The following ZNF667 variants were observed in gnomAD, a reference collection of about 807,000 sequenced individuals.
ZNF667 encodes myocardial ischemic preconditioning upregulated 1 ortholog.
In ZNF667, 13 loss-of-function variants were observed where a neutral mutation model predicts 31.8. That is an observed-to-expected ratio of 0.41 (90% CI 0.27 to 0.65). The LOEUF is 0.65. Among genes scored for constraint, ZNF667 ranks in the 30% least tolerant of loss-of-function variants. The probability of loss-of-function intolerance (pLI) is 0.32; values close to 1 mark genes in which losing one functional copy is unlikely to be tolerated. For synonymous variants in ZNF667, 228 were observed against 247.1 expected, an observed-to-expected ratio of 0.92 and a Z score of 0.73; for missense variants, 642 against 725.6, an observed-to-expected ratio of 0.88 and a Z score of 1.32.
chr19:56,440,513 G>T lies in ZNF667; in HGVS notation c.*649C>A. ...TTGATAATTCTAGATCTGAGAAACAGACTCAAATTCTTTTTTCTGTGACCT... is the reference window on the plus strand; with the variant it reads ...TTGATAATTCTAGATCTGAGAAACATACTCAAATTCTTTTTTCTGTGACCT... On this transcript the variant is annotated 3_prime_UTR_variant, in exon 7 of 7. Coordinates refer to ENST00000504904, the MANE Select transcript of ZNF667 (RefSeq NM_001321356.2). 1.2e-6 allele frequency: 1 copy of T among 839,754 alleles called. No homozygotes were observed. The highest frequency in any genetic ancestry group is 1.4e-6 in the Non-Finnish European group (1 of 697,094). 52.0% of individuals were successfully genotyped at this position (839,754 alleles called of 1,614,324 possible).
chr19:56,451,700 CT>C (rs1231331256), intron 6 of ZNF667, among the ~76,000 whole-genome samples: 1 of 151,776 alleles, frequency 6.6e-6, no homozygotes, highest in Non-Finnish European at 1.5e-5. Flanking sequence ...GAAATCCCAT[CT>C]TTAAAAAAAA....
intron 6 of ZNF667, among the ~76,000 whole-genome samples, chr19:56,453,245 GA>G (rs1248601110): frequency 4.6e-5 from 7 of 152,020 alleles, no homozygotes; most frequent in African/African-American, 1.7e-4. Flanking sequence ...TCCCAGCAAA[GA>G]AACACCCAGG....
At chr19:56,464,628 C>T (rs924748328) in intron 3 of ZNF667, among the ~76,000 whole-genome samples, 5 of 152,184 alleles carry the variant, frequency 3.3e-5, no homozygotes, top group African/African-American at 7.2e-5. Flanking sequence ...CTGCCACATG[C>T]TCTCTTATTG....
intron 6 of ZNF667, among the ~76,000 whole-genome samples, chr19:56,449,044 C>T (rs185881134): frequency 6.6e-6 from 1 of 151,370 alleles, no homozygotes; most frequent in East Asian, 1.9e-4. Flanking sequence ...CTGGATCTTA[C>T]CAAAGACCAC....
At chr19:56,463,312 C>T (rs1050967950) in intron 3 of ZNF667, among the ~76,000 whole-genome samples, 16 of 151,996 alleles carry the variant, frequency 1.1e-4, no homozygotes, top group African/African-American at 3.4e-4. Context: ...TGCAGAAATC[C>T]GGGGAAGATG....
At position 56,441,855 on chromosome 19, in the gene ZNF667, A is replaced by T; in HGVS notation, c.1140T>A (p.His380Gln). ...LSTLILHLRI[H>Q]NGEKLYRCNK... ...TGCATCTGTATAGTTTTTCTCCATT[A>T]TGAATTCTTAGATGCAGAATAAGGG... Residue 380 changes from histidine to glutamine, a missense_variant, in exon 7 of 7, where the codon CAT (histidine) becomes CAA (glutamine). Transcript: ENST00000504904. This position sits in a 1 kb window ranked among gnomAD's most constrained non-coding sequence, Gnocchi z 4.2. 1 of 1,614,136 alleles carries T rather than the reference A, an allele frequency of 6.2e-7. No individual in the cohort carries two copies. The highest frequency in any genetic ancestry group is 8.5e-7 in the Non-Finnish European group (1 of 1,180,022).
At chr19:56,466,925 A>G in intron 3 of ZNF667, 2 of 441,938 alleles carry the variant, frequency 4.5e-6, no homozygotes, top group Non-Finnish European at 9.1e-6. Flanking sequence ...TTCTGAGAAC[A>G]CCCTACTCTA....
intron 6 of ZNF667, among the ~76,000 whole-genome samples, chr19:56,451,887 A>C (rs998779604): frequency 1.1e-4 from 11 of 103,148 alleles, no homozygotes; most frequent in African/African-American, 3.1e-4. Flanking sequence ...AAAAAAAAAA[A>C]AAAAAAAAAA....
At chr19:56,459,923 C>T (rs568722401) in intron 5 of ZNF667, among the ~76,000 whole-genome samples, 72 of 151,986 alleles carry the variant, frequency 4.7e-4, no homozygotes, top group African/African-American at 1.6e-3. Flanking sequence ...ACCCAGGAGG[C>T]GGAGGTTGCA....
chr19:56,472,856 T>C (rs2043321931), intron 2 of ZNF667: 1 of 152,144 alleles, frequency 6.6e-6, no homozygotes, highest in Non-Finnish European at 1.5e-5. Flanking sequence ...TTGGTACCAC[T>C]AACCCCTGCA....
intron 6 of ZNF667, among the ~76,000 whole-genome samples, chr19:56,452,584 T>C (rs553690111): frequency 4.6e-5 from 7 of 150,892 alleles, no homozygotes; most frequent in African/African-American, 1.5e-4. Context: ...AAAAAAGAAA[T>C]AGTAAGGATC....
At chr19:56,468,014 C>G (rs2043200040) in intron 3 of ZNF667, 1 of 152,248 alleles carries the variant, frequency 6.6e-6, no homozygotes, top group Admixed American at 6.5e-5. Flanking sequence ...AGCTCAATGT[C>G]CCAACTGTCT....
intron 6 of ZNF667, chr19:56,443,997 T>C: frequency 2.7e-6 from 1 of 366,136 alleles, no homozygotes; most frequent in Middle Eastern, 7.1e-4. Flanking sequence ...ATACTATGAG[T>C]ATAAAACATA....
At chr19:56,455,815 C>G (rs555278870) in intron 6 of ZNF667, among the ~76,000 whole-genome samples, 89 of 152,220 alleles carry the variant, frequency 5.8e-4, no homozygotes, top group South Asian at 2.3e-3. Context: ...GTGATAGATA[C>G]CTCACATACC....
In ZNF667 at chr19:56,458,147, T is replaced by TCA; in HGVS notation, c.253+6_253+7dup. Reference sequence around the variant, plus strand: ...CTGAGACATATGCCTTGGTTCTCTGTCACTCACCAGGAGCCCGGCGTCTTC... The same window carrying TCA: ...CTGAGACATATGCCTTGGTTCTCTGTCACACTCACCAGGAGCCCGGCGTCTTC... On this transcript the variant is annotated splice_region_variant and intron_variant, in intron 6 of 6. Transcript: ENST00000504904. 6.2e-7 allele frequency: 1 copy of TCA among 1,613,714 alleles called. No homozygotes were observed. Among genetic ancestry groups the TCA allele is most frequent in the South Asian group, 1.1e-5 (1 of 91,074 alleles).
chr19:56,453,698 C>CGTAT, intron 6 of ZNF667, among the ~76,000 whole-genome samples: 1 of 152,120 alleles, frequency 6.6e-6, no homozygotes, highest in South Asian at 2.1e-4. Flanking sequence ...CAATAAAAGC[C>CGTAT]GTATATGACA....
At chr19:56,446,899 CT>C (rs2042720653) in intron 6 of ZNF667, among the ~76,000 whole-genome samples, 1 of 152,106 alleles carries the variant, frequency 6.6e-6, no homozygotes, top group Admixed American at 6.5e-5. Context: ...CTTCCTTTTC[CT>C]TTGTACCTTC....
At chr19:56,453,647 G>A (rs759837596) in intron 6 of ZNF667, among the ~76,000 whole-genome samples, 9 of 151,940 alleles carry the variant, frequency 5.9e-5, no homozygotes, top group Non-Finnish European at 8.8e-5. Context: ...TTCATGATGC[G>A]ATCCCTCAAA....
chr19:56,467,945 G>A (rs1194204215), intron 3 of ZNF667: 2 of 152,114 alleles, frequency 1.3e-5, no homozygotes, highest in Non-Finnish European at 2.9e-5. Context: ...TAAACTACTG[G>A]CCCTTGGTGA....
Sources: gnomAD v4.1 joint callset for allele counts (sites outside exome capture counted in the v4.1 genomes callset) on GRCh38, gnomAD v4.1.1 for gene constraint, Gnocchi (gnomAD v3.1) non-coding constraint, MANE v1.5 for transcripts, NCBI Gene and HGNC (gene_info 2026-07-23, HGNC 2026-07-21) for gene names.